The following ARHGAP6 variants were observed in gnomAD, a reference collection of about 807,000 sequenced individuals.
ARHGAP6 encodes Rho GTPase activating protein 6, also known as rho GTPase-activating protein 6.
A neutral mutation model predicts 55.7 loss-of-function variants in ARHGAP6; 16 were observed. The ratio of observed to expected loss-of-function variants is 0.29; its 90% CI spans 0.19 to 0.44. The LOEUF is 0.44. ARHGAP6 is among the 20% of genes least tolerant of loss of function. The pLI, the probability that ARHGAP6 is intolerant of heterozygous loss-of-function variation, is 1.00. For synonymous variants in ARHGAP6, 382 were observed against 360.9 expected (o/e 1.06, Z -0.66); for missense variants, 698 against 808.9 (o/e 0.86, Z 1.66).
At chrX:11,422,520 C>T (rs2049834401) in intron 1 of ARHGAP6, among the ~76,000 whole-genome samples, 1 of 111,899 alleles carries the variant, frequency 8.9e-6, no homozygotes, top group South Asian at 3.7e-4. Flanking sequence ...TGAAATGTCA[C>T]TATTTCATTA....
At chrX:11,177,759 C>A (rs1341102327) in intron 8 of ARHGAP6, among the ~76,000 whole-genome samples, 1 of 112,044 alleles carries the variant, frequency 8.9e-6, no homozygotes, top group Non-Finnish European at 1.9e-5. Flanking sequence ...TCTCCTCCCA[C>A]CCCCATCATT....
intron 1 of ARHGAP6, among the ~76,000 whole-genome samples, chrX:11,400,592 T>G (rs760300806): frequency 9.2e-6 from 1 of 108,169 alleles, no homozygotes; most frequent in East Asian, 3.1e-4. Context: ...GCAAACCACC[T>G]AAGCCTCCAT....
intron 1 of ARHGAP6, among the ~76,000 whole-genome samples, chrX:11,331,358 C>T (rs1005164265): frequency 9.0e-6 from 1 of 111,640 alleles, no homozygotes; most frequent in Non-Finnish European, 1.9e-5. Context: ...CATGGCTGTC[C>T]ACATATTGTT....
At chrX:11,647,837 C>A (rs1180819760) in intron 1 of ARHGAP6, among the ~76,000 whole-genome samples, 1 of 111,779 alleles carries the variant, frequency 8.9e-6, no homozygotes, top group Admixed American at 9.5e-5. Flanking sequence ...AAACTGAAAC[C>A]GAGGGACATT....
intron 1 of ARHGAP6, among the ~76,000 whole-genome samples, chrX:11,641,525 C>A (rs752156459): frequency 3.6e-5 from 4 of 111,484 alleles, no homozygotes; most frequent in Non-Finnish European, 7.6e-5. Context: ...TGAAGAAGGT[C>A]GCATCACACA....
intron 1 of ARHGAP6, among the ~76,000 whole-genome samples, chrX:11,381,126 C>G (rs12011298): frequency 0.056 from 6,250 of 112,366 alleles, 199 homozygotes; most frequent in African/African-American, 0.12. Flanking sequence ...CAGTCCATAG[C>G]GGTTCCTGAG....
intron 1 of ARHGAP6, among the ~76,000 whole-genome samples, chrX:11,291,142 T>C (rs2047985630): frequency 8.9e-6 from 1 of 112,729 alleles, no homozygotes; most frequent in Non-Finnish European, 1.9e-5. Flanking sequence ...AATATTTCAA[T>C]TGAAATTTCA....
At chrX:11,206,336 A>C (rs1221354724) in intron 2 of ARHGAP6, among the ~76,000 whole-genome samples, 1 of 112,469 alleles carries the variant, frequency 8.9e-6, no homozygotes, top group Admixed American at 9.5e-5. Context: ...TTTATACCCA[A>C]GTCTATTTTG....
At chrX:11,448,994 G>T (rs2050119419) in intron 1 of ARHGAP6, among the ~76,000 whole-genome samples, 1 of 111,527 alleles carries the variant, frequency 9.0e-6, no homozygotes, top group Non-Finnish European at 1.9e-5. Context: ...GGTGCGGGAG[G>T]CTGGGAGTAA....
chrX:11,607,407 G>A (rs957216820), intron 1 of ARHGAP6, among the ~76,000 whole-genome samples: 4 of 111,792 alleles, frequency 3.6e-5, no homozygotes, highest in African/African-American at 9.8e-5. Context: ...AGAAATGAAT[G>A]GATATAAAAG....
chrX:11,392,458 C>T (rs2049419086), intron 1 of ARHGAP6, among the ~76,000 whole-genome samples: 1 of 111,725 alleles, frequency 9.0e-6, no homozygotes, highest in Non-Finnish European at 1.9e-5. Context: ...CATTCCCATG[C>T]CCTGCTGAAA....
intron 1 of ARHGAP6, among the ~76,000 whole-genome samples, chrX:11,254,980 G>A (rs1201495051): frequency 9.0e-6 from 1 of 111,004 alleles, no homozygotes; most frequent in Non-Finnish European, 1.9e-5. Context: ...GATACTGTGA[G>A]GGTCCTACTT....
chrX:11,638,429 T>G, intron 1 of ARHGAP6, among the ~76,000 whole-genome samples: 1 of 112,056 alleles, frequency 8.9e-6, no homozygotes, highest in Non-Finnish European at 1.9e-5. Flanking sequence ...CTTCAGGTAT[T>G]TAGATGAGTT....
At chrX:11,629,318 T>A (rs1341137257) in intron 1 of ARHGAP6, among the ~76,000 whole-genome samples, 5 of 111,614 alleles carry the variant, frequency 4.5e-5, no homozygotes, top group African/African-American at 1.3e-4. Context: ...GACCTACAAA[T>A]GTTCTCTGAC....
chrX:11,574,622 C>G (rs1398123181), intron 1 of ARHGAP6, among the ~76,000 whole-genome samples: 2 of 110,487 alleles, frequency 1.8e-5, no homozygotes, highest in African/African-American at 3.3e-5. Context: ...CAATATCATA[C>G]TGAATGGGCA....
At chrX:11,549,359 G>A (rs898391659) in intron 1 of ARHGAP6, among the ~76,000 whole-genome samples, 19 of 111,756 alleles carry the variant, frequency 1.7e-4, no homozygotes, top group African/African-American at 6.2e-4. Context: ...CTGTAGAATG[G>A]GATAAAATAC....
In ARHGAP6 at chrX:11,531,420, G is replaced by A. The variant is rs1279712572; in HGVS notation, c.588+132821C>T. Among the ~76,000 whole-genome samples, 15 of 110,961 alleles carry A rather than the reference G, an allele frequency of 1.4e-4. No homozygotes were observed. In the Admixed American group the frequency reaches 1.4e-3, roughly 11 times the overall value. On this transcript the variant is annotated intron_variant, in intron 1 of 12. Transcript: ENST00000337414. ...TTACATTGTTTTTAGAGTGGGGACT[G>A]GCTGCCCTCTCCTGGAAATATGAAA... is the stretch of plus-strand genomic sequence containing the variant.
chrX:11,331,324 C>T (rs2048560772), intron 1 of ARHGAP6, among the ~76,000 whole-genome samples: 1 of 111,413 alleles, frequency 9.0e-6, no homozygotes, highest in African/African-American at 3.3e-5. Flanking sequence ...TAAATCAGAC[C>T]CTTTCTGTCC....
intron 9 of ARHGAP6, among the ~76,000 whole-genome samples, chrX:11,159,142 G>A (rs923283980): frequency 1.3e-4 from 15 of 111,351 alleles, no homozygotes; most frequent in African/African-American, 4.9e-4. Context: ...CTGTGAGGCT[G>A]GAAGAGAGTA....
Sources: allele counts gnomAD v4.1 joint callset (sites outside exome capture counted in the v4.1 genomes callset), GRCh38; gene constraint gnomAD v4.1.1; transcripts MANE v1.5; gene names NCBI Gene and HGNC (gene_info 2026-07-23, HGNC 2026-07-21).